The following RHBDD1 variants were observed in gnomAD, a reference collection of about 807,000 sequenced individuals.
RHBDD1 encodes the protein rhomboid-related protein 4.
In RHBDD1, 38 loss-of-function variants were observed where a neutral mutation model predicts 36.3. That is an observed-to-expected ratio of 1.05 (90% confidence interval 0.81 to 1.37). RHBDD1 has a LOEUF of 1.37. RHBDD1 is among the 40% of genes most tolerant of loss of function. The probability of loss-of-function intolerance (pLI) is 0.00; values close to 1 mark genes in which losing one functional copy is unlikely to be tolerated. For missense variants in RHBDD1, 393 were observed against 377.6 expected (o/e 1.04, Z -0.34); for synonymous variants, 151 against 136.5 (o/e 1.11, Z -0.74).
intron 3 of RHBDD1, among the ~76,000 whole-genome samples, chr2:226,854,207 A>G (rs1398709905): frequency 1.3e-5 from 2 of 152,172 alleles, no homozygotes; most frequent in Non-Finnish European, 2.9e-5. Context: ...TGTTTTACCT[A>G]TATTACTCAT....
At chr2:226,893,676 C>T (rs1350042149) in intron 5 of RHBDD1, among the ~76,000 whole-genome samples, 1 of 152,090 alleles carries the variant, frequency 6.6e-6, no homozygotes, top group Admixed American at 6.6e-5. Context: ...AGTGGTTTTC[C>T]ACTGGGATGG....
rs1426348036 is a variant in RHBDD1, at chr2:226,998,200, C to T, written c.*2678C>T. 1 of 152,182 alleles carries T rather than the reference C, an allele frequency of 6.6e-6. No individual in the cohort carries two copies. Among genetic ancestry groups the T allele is most frequent in the Non-Finnish European group, 1.5e-5 (1 of 68,042 alleles). The allele number at this position is 152,182 out of a possible 1,614,324, so 9.4% of individuals were successfully genotyped here. ...AGTTAAAATTGCTTCCTCTTAATGA[C>T]TCTGAATGTATTGCCTGTGATTCCA... is the stretch of plus-strand genomic sequence containing the variant. On this transcript the variant is annotated 3_prime_UTR_variant, in exon 9 of 9. Transcript: ENST00000392062.
At chr2:226,822,209 T>G in the RHBDD1 span, among the ~76,000 whole-genome samples, 1 of 152,242 alleles carries the variant, frequency 6.6e-6, no homozygotes, top group African/African-American at 2.4e-5. Context: ...ACTCTTCTAG[T>G]CCCACTCTGT....
chr2:226,947,638 A>G (rs1951077282), intron 8 of RHBDD1, among the ~76,000 whole-genome samples: 2 of 152,168 alleles, frequency 1.3e-5, no homozygotes, highest in African/African-American at 4.8e-5. Flanking sequence ...AATTCTGTGA[A>G]GAAAATGGGA....
At position 226,867,207 on chromosome 2, in the gene RHBDD1, T is replaced by A; in HGVS notation, c.455T>A (p.Val152Asp). The A allele has an allele frequency of 1.2e-6, 2 of 1,611,002 alleles. No individual in the cohort carries two copies. The highest frequency in any genetic ancestry group is 1.7e-6 in the Non-Finnish European group (2 of 1,179,122). The change falls in exon 5 of 9, where the codon GTT (valine) becomes GAT (aspartate). Residue 152 changes from valine (V) to aspartate (D), a missense_variant. Val to Asp is a radical substitution (Grantham distance 152, BLOSUM62 -3). Transcript: ENST00000392062. ...GFSGVLFALKVLNNHYCPGGF... is the reference protein window; with the variant it reads ...GFSGVLFALKDLNNHYCPGGF... The stretch of plus-strand genomic sequence containing the variant: ...TTAGGAGTTTTGTTTGCTTTGAAAG[T>A]TCTTAACAACCATTATTGCCCTGGA...
At chr2:226,908,659 A>G in intron 6 of RHBDD1, 163 bp from the exon 7 acceptor site, 1 of 625,666 alleles carries the variant, frequency 1.6e-6, no homozygotes. Context: ...ACTCTTTTCC[A>G]GTTAGGGCTG....
At chr2:226,884,864 A>G (rs564727863) in intron 5 of RHBDD1, among the ~76,000 whole-genome samples, 2 of 152,306 alleles carry the variant, frequency 1.3e-5, no homozygotes, top group South Asian at 2.1e-4. Flanking sequence ...ATTTCTAAGC[A>G]TAAAAACAGT....
chr2:226,848,422 GTGTCATATCT>G (rs1028468485), intron 3 of RHBDD1, among the ~76,000 whole-genome samples: 2 of 152,170 alleles, frequency 1.3e-5, no homozygotes, highest in African/African-American at 4.8e-5. Flanking sequence ...GATAGTCAAA[GTGTCATATCT>G]TACTAGTAGA....
chr2:226,982,062 A>G (rs765113721), intron 8 of RHBDD1, among the ~76,000 whole-genome samples: 23 of 152,292 alleles, frequency 1.5e-4, no homozygotes, highest in Middle Eastern at 3.4e-3. Context: ...CCTCTTTCAC[A>G]TATTTTCAAC....
chr2:226,970,478 T>G (rs974429228), intron 8 of RHBDD1, among the ~76,000 whole-genome samples: 1 of 152,186 alleles, frequency 6.6e-6, no homozygotes, highest in Non-Finnish European at 1.5e-5. Flanking sequence ...CATCCTGGTT[T>G]GTGTGTGAAT....
chr2:226,922,018 G>A (rs759178980), intron 8 of RHBDD1, among the ~76,000 whole-genome samples: 123 of 151,876 alleles, frequency 8.1e-4, no homozygotes, highest in Non-Finnish European at 1.6e-3. Context: ...GGGTGCTCCC[G>A]TGTTAGATGC....
At chr2:226,815,728 A>T in the RHBDD1 span, among the ~76,000 whole-genome samples, 2 of 152,152 alleles carry the variant, frequency 1.3e-5, no homozygotes, top group Non-Finnish European at 2.9e-5. Flanking sequence ...AAAAAATGTT[A>T]TTTGAAGAGT....
At chr2:226,912,900 C>T (rs1948621814) in intron 7 of RHBDD1, among the ~76,000 whole-genome samples, 1 of 152,096 alleles carries the variant, frequency 6.6e-6, no homozygotes, top group Non-Finnish European at 1.5e-5. Flanking sequence ...TATCAATAGA[C>T]ACAACTACTT....
chr2:226,985,088 A>AC (rs1190063972), intron 8 of RHBDD1, among the ~76,000 whole-genome samples: 1 of 152,140 alleles, frequency 6.6e-6, no homozygotes, highest in African/African-American at 2.4e-5. Context: ...TTGTCTTATT[A>AC]CCATAGATTA....
At chr2:226,860,895 A>C (rs1000871552) in intron 3 of RHBDD1, among the ~76,000 whole-genome samples, 1 of 152,202 alleles carries the variant, frequency 6.6e-6, no homozygotes. Flanking sequence ...TCCTGTGGAC[A>C]ATATTTTTAT....
chr2:226,986,844 A>G (rs571223291), intron 8 of RHBDD1, among the ~76,000 whole-genome samples: 1 of 152,356 alleles, frequency 6.6e-6, no homozygotes, highest in South Asian at 2.1e-4. Flanking sequence ...TACCCAAAGG[A>G]CTATAAATCA....
chr2:226,948,446 T>C (rs1464735708), intron 8 of RHBDD1, among the ~76,000 whole-genome samples: 9 of 148,030 alleles, frequency 6.1e-5, no homozygotes, highest in Admixed American at 1.3e-4. Flanking sequence ...AGGGATAGCA[T>C]TGGGAGACAT....
chr2:226,952,935 A>T (rs74794583), intron 8 of RHBDD1, among the ~76,000 whole-genome samples: 2 of 152,000 alleles, frequency 1.3e-5, no homozygotes, highest in African/African-American at 2.4e-5. Context: ...ATGGGGTGGG[A>T]TGGGACAGGT....
intron 8 of RHBDD1, among the ~76,000 whole-genome samples, chr2:226,935,845 A>G (rs1950297059): frequency 6.6e-6 from 1 of 152,148 alleles, no homozygotes; most frequent in Non-Finnish European, 1.5e-5. Context: ...CTAACTTGAT[A>G]AACACATGTA....
Sources: allele counts gnomAD v4.1 joint callset (sites outside exome capture counted in the v4.1 genomes callset), GRCh38; gene constraint gnomAD v4.1.1; transcripts MANE v1.5; gene names NCBI Gene and HGNC (gene_info 2026-07-23, HGNC 2026-07-21).